The following RAB28 variants were observed in gnomAD, a reference collection of about 807,000 sequenced individuals.
RAB28 encodes the protein RAB28, member RAS oncogene family.
RAB28 carries 24 observed loss-of-function variants against 31.7 expected under a neutral mutation model. That is an observed-to-expected ratio of 0.76 (90% CI 0.55 to 1.06). The LOEUF (loss-of-function observed/expected upper bound fraction) is 1.06, where lower values mean the gene tolerates loss of function less well. Ranked by LOEUF, RAB28 falls within the 50% of genes least tolerant of loss-of-function variation. The probability of loss-of-function intolerance (pLI) is 0.00; values close to 1 mark genes in which losing one functional copy is unlikely to be tolerated. For missense variants in RAB28, 254 were observed against 258.5 expected, an observed-to-expected ratio of 0.98 and a Z score of 0.12; for synonymous variants, 100 against 90.4, an observed-to-expected ratio of 1.11 and a Z score of -0.60.
chr4:13,459,483 T>C (rs925262949), intron 4 of RAB28, among the ~76,000 whole-genome samples: 1 of 152,188 alleles, frequency 6.6e-6, no homozygotes, highest in African/African-American at 2.4e-5. Flanking sequence ...AAACAACACA[T>C]GACTATATTT....
At chr4:13,405,505 C>T (rs1229804484) in intron 4 of RAB28, among the ~76,000 whole-genome samples, 2 of 152,130 alleles carry the variant, frequency 1.3e-5, no homozygotes, top group African/African-American at 4.8e-5. Flanking sequence ...AATTGAAACT[C>T]ATAACATAGA....
chr4:13,476,994 C>T lies in RAB28; in HGVS notation c.172+2436G>A, dbSNP rs144008968. Among the ~76,000 whole-genome samples, 688 of 151,480 alleles carry T rather than the reference C, an allele frequency of 4.5e-3. 6 individuals are homozygous for T. Among genetic ancestry groups the T allele is most frequent in the African/African-American group, 0.016 (656 of 41,450 alleles). On this transcript the variant is annotated intron_variant, in intron 2 of 6. Transcript: ENST00000330852. ...ACACTTGGTGCCTTGGTTAACCTTA[C>T]TTAAAGTGCTGCATAGTCAAGATGG...
At chr4:13,469,112 C>T (rs959207061) in intron 3 of RAB28, among the ~76,000 whole-genome samples, 10 of 151,964 alleles carry the variant, frequency 6.6e-5, no homozygotes, top group Non-Finnish European at 1.0e-4. Context: ...TTTCTGACCA[C>T]GTCAATCAAC....
intron 6 of RAB28, among the ~76,000 whole-genome samples, chr4:13,372,727 T>C (rs1349885410): frequency 6.6e-6 from 1 of 151,962 alleles, no homozygotes; most frequent in Non-Finnish European, 1.5e-5. Flanking sequence ...AACATGTGGG[T>C]AAGAAGAATC....
chr4:13,431,902 C>A (rs1713827692), intron 4 of RAB28, among the ~76,000 whole-genome samples: 1 of 152,052 alleles, frequency 6.6e-6, no homozygotes, highest in Admixed American at 6.6e-5. Flanking sequence ...TGTTTTGACA[C>A]CTCCAAAGAA....
At chr4:13,370,568 A>T in intron 6 of RAB28, 1 of 948,366 alleles carries the variant, frequency 1.1e-6, no homozygotes, top group South Asian at 4.9e-5. Flanking sequence ...CAGAGGAAGG[A>T]GTAATTAATT....
At chr4:13,415,952 C>G (rs1026386291) in intron 4 of RAB28, among the ~76,000 whole-genome samples, 9 of 152,190 alleles carry the variant, frequency 5.9e-5, no homozygotes, top group Non-Finnish European at 1.2e-4. Context: ...CCAATCAGCA[C>G]CTTGTGTCTG....
chr4:13,412,777 T>A (rs1712518460), intron 4 of RAB28, among the ~76,000 whole-genome samples: 1 of 152,126 alleles, frequency 6.6e-6, no homozygotes, highest in African/African-American at 2.4e-5. Context: ...TTACCATATA[T>A]TTTTAAAACT....
intron 4 of RAB28, among the ~76,000 whole-genome samples, chr4:13,444,667 C>T (rs978771539): frequency 1.6e-4 from 25 of 152,184 alleles, no homozygotes; most frequent in African/African-American, 6.0e-4. Flanking sequence ...CAATACTTAC[C>T]TTTTGTCTTT....
intron 4 of RAB28, among the ~76,000 whole-genome samples, chr4:13,427,432 C>A (rs1224572404): frequency 6.6e-6 from 1 of 152,210 alleles, no homozygotes; most frequent in Non-Finnish European, 1.5e-5. Flanking sequence ...GCTTTATAGT[C>A]ACTCCTTCTG....
intron 3 of RAB28, among the ~76,000 whole-genome samples, chr4:13,463,029 A>T (rs759080341): frequency 3.9e-5 from 6 of 152,174 alleles, no homozygotes; most frequent in Non-Finnish European, 7.3e-5. Context: ...CTTTTAAAAT[A>T]CCTGATATGC....
Position 13,384,988 on chromosome 4 carries a change from C to T in RAB28, c.392-3394G>A, listed in dbSNP as rs190749459. Among the ~76,000 whole-genome samples, 695 of 152,256 alleles carry T rather than the reference C, an allele frequency of 4.6e-3. 5 individuals carry two copies. The highest frequency in any genetic ancestry group is 0.016 in the African/African-American group (662 of 41,550). The stretch of plus-strand genomic sequence containing the variant: ...ATGATACAGGAGCTGACAGACAAAA[C>T]AGCCAGTACAGAAAAGAATATAGCT... On this transcript the variant is annotated intron_variant, in intron 4 of 6. Coordinates refer to ENST00000330852, the MANE Select transcript of RAB28 (RefSeq NM_001017979.3).
chr4:13,420,869 C>T (rs912805523), intron 4 of RAB28, among the ~76,000 whole-genome samples: 2 of 152,198 alleles, frequency 1.3e-5, no homozygotes, highest in Admixed American at 6.5e-5. Context: ...CCTTTCTCAC[C>T]AGTCCTATTC....
intron 2 of RAB28, 142 bp from the exon 3 acceptor site, chr4:13,474,548 T>G: frequency 2.2e-6 from 1 of 461,468 alleles, no homozygotes; most frequent in South Asian, 4.7e-5. Flanking sequence ...GCTCACATGA[T>G]ATTTGGAATT....
intron 4 of RAB28, among the ~76,000 whole-genome samples, chr4:13,450,022 A>G (rs1714882335): frequency 6.6e-6 from 1 of 151,898 alleles, no homozygotes; most frequent in Non-Finnish European, 1.5e-5. Flanking sequence ...TAAAACATTG[A>G]ACTTAAAATT....
At chr4:13,444,533 T>C (rs1351292001) in intron 4 of RAB28, among the ~76,000 whole-genome samples, 1 of 152,232 alleles carries the variant, frequency 6.6e-6, no homozygotes, top group African/African-American at 2.4e-5. Context: ...CCTTTAAATA[T>C]ATAACTAGAA....
At chr4:13,414,712 G>T (rs997392106) in intron 4 of RAB28, among the ~76,000 whole-genome samples, 4 of 152,174 alleles carry the variant, frequency 2.6e-5, no homozygotes, top group African/African-American at 9.7e-5. Flanking sequence ...ATTGTATCTA[G>T]CAGTATATAA....
chr4:13,440,900 G>A (rs73229702), intron 4 of RAB28, among the ~76,000 whole-genome samples: 11,205 of 151,946 alleles, frequency 0.074, 725 homozygotes, highest in African/African-American at 0.17. Context: ...AGACAGCTAC[G>A]TACATGCCAC....
chr4:13,439,274 A>AT (rs1158136398), intron 4 of RAB28, among the ~76,000 whole-genome samples: 1 of 152,048 alleles, frequency 6.6e-6, no homozygotes, highest in Admixed American at 6.5e-5. Flanking sequence ...TTGATGTAAT[A>AT]TTTTTTTCTT....
Sources: gnomAD v4.1 joint callset for allele counts (sites outside exome capture counted in the v4.1 genomes callset) on GRCh38, gnomAD v4.1.1 for gene constraint, MANE v1.5 for transcripts, NCBI Gene and HGNC (gene_info 2026-07-23, HGNC 2026-07-21) for gene names.